Variants in SOBP observed in about 807,000 individuals in gnomAD.
The protein encoded by SOBP is sine oculis-binding protein homolog.
In SOBP, 4 loss-of-function variants were observed where a neutral mutation model predicts 53.6. That is an observed-to-expected ratio of 0.07 (90% confidence interval 0.04 to 0.17). SOBP has a LOEUF of 0.17. Among genes scored for constraint, SOBP ranks in the 10% least tolerant of loss-of-function variants. The pLI, the probability that SOBP is intolerant of heterozygous loss-of-function variation, is 1.00. For missense variants in SOBP, 1,088 were observed against 1,204.7 expected (o/e 0.90, Z 1.43); for synonymous variants, 584 against 522.6 (o/e 1.12, Z -1.60).
chr6:107,495,354 T>C (rs1263426828), intron 1 of SOBP, among the ~76,000 whole-genome samples: 2 of 152,224 alleles, frequency 1.3e-5, no homozygotes, highest in African/African-American at 4.8e-5. Flanking sequence ...TTATGTATTA[T>C]GGTCTGTTCA....
intron 5 of SOBP, among the ~76,000 whole-genome samples, chr6:107,632,568 C>T (rs1222166447): frequency 6.6e-6 from 1 of 152,166 alleles, no homozygotes; most frequent in East Asian, 1.9e-4. Context: ...GATGGTGTTG[C>T]AAAATTAATG....
chr6:107,544,843 C>A (rs1784251914), intron 4 of SOBP, among the ~76,000 whole-genome samples: 1 of 152,094 alleles, frequency 6.6e-6, no homozygotes, highest in Admixed American at 6.5e-5. Context: ...TCTACCAATC[C>A]TTGGGGATTA....
At chr6:107,521,043 A>G (rs1783471144) in intron 3 of SOBP, among the ~76,000 whole-genome samples, 1 of 148,726 alleles carries the variant, frequency 6.7e-6, no homozygotes, top group African/African-American at 2.5e-5. Flanking sequence ...TCTACCCACT[A>G]GATGCCATTA....
chr6:107,613,871 T>A (rs1786687213), intron 5 of SOBP, among the ~76,000 whole-genome samples: 1 of 152,216 alleles, frequency 6.6e-6, no homozygotes, highest in Non-Finnish European at 1.5e-5. Context: ...TATATCATAT[T>A]TTAACCTGAA....
In SOBP at chr6:107,635,087, C is replaced by T. The variant is rs758780716; in HGVS notation, c.2243C>T (p.Pro748Leu). 2.3e-5 allele frequency: 37 copies of T among 1,588,876 alleles called. No homozygotes were observed. Among genetic ancestry groups the T allele is most frequent in the Non-Finnish European group, 3.2e-5 (37 of 1,168,360 alleles). ...CCGCCTCCCGAGCAGCCGCCGCCGC[C>T]GCCGCCGCCCGCGCCCCCCAAGAAG... ...AEPPPEQPPPPPPPAPPKKLL... is the reference protein window; with the variant it reads ...AEPPPEQPPPLPPPAPPKKLL... The change falls in exon 6 of 7, where the codon CCG (proline) becomes CTG (leucine). Residue 748 changes from proline to leucine, a missense_variant. Pro to Leu is a moderately conservative substitution (Grantham distance 98). Around this residue, in one of 6 missense-constraint regions of SOBP, gnomAD observed 665 missense variants for 629.7 expected, o/e 1.06. Transcript: ENST00000317357. The surrounding 1 kb of genome is among the most constrained non-coding windows in gnomAD (Gnocchi z 4.5).
Position 107,633,795 on chromosome 6 carries a change from A to G in SOBP, c.951A>G (p.Thr317=). 3.1e-6 allele frequency: 5 copies of G among 1,614,204 alleles called. No homozygotes were observed. In the East Asian group the frequency reaches 8.9e-5, roughly 29 times the overall value. ...GGAAGGCCCCCTCCCCGGTGGCTAC[A>G]GCTGGCCAAAGCCAGGGCCCTGGCC... ...ARRKAPSPVA[T]AGQSQGPGPS... The change falls in exon 6 of 7, where the codon ACA becomes ACG. Residue 317 remains threonine (T), a synonymous_variant. Coordinates refer to ENST00000317357, the MANE Select transcript of SOBP (RefSeq NM_018013.4).
chr6:107,520,247 A>G (rs1783442554), intron 3 of SOBP, among the ~76,000 whole-genome samples: 1 of 152,232 alleles, frequency 6.6e-6, no homozygotes, highest in South Asian at 2.1e-4. Context: ...GAAAGTAAAA[A>G]GAATATCCTT....
At chr6:107,554,918 G>A (rs1784565861) in intron 4 of SOBP, among the ~76,000 whole-genome samples, 1 of 152,212 alleles carries the variant, frequency 6.6e-6, no homozygotes, top group Admixed American at 6.5e-5. Context: ...GTCTGCAGAT[G>A]GAAGGCCTTG....
At chr6:107,624,957 G>C (rs117515944) in intron 5 of SOBP, among the ~76,000 whole-genome samples, 1 of 152,336 alleles carries the variant, frequency 6.6e-6, no homozygotes, top group East Asian at 1.9e-4. Context: ...CCTTGAGATA[G>C]TGGGGCAGTA....
chr6:107,635,197 G>C lies in SOBP; in HGVS notation c.2353G>C (p.Glu785Gln), dbSNP rs1163343302. 2 of 1,613,794 alleles carry C rather than the reference G, an allele frequency of 1.2e-6. No individual in the cohort carries two copies. Among genetic ancestry groups the C allele is most frequent in the Non-Finnish European group, 1.7e-6 (2 of 1,179,966 alleles). Residue 785 changes from glutamate (E) to glutamine (Q), a missense_variant, in exon 6 of 7, where the codon GAG (glutamate) becomes CAG (glutamine). Glu to Gln is a conservative substitution (Grantham distance 29, BLOSUM62 2). This residue lies in a region of SOBP where 665 missense variants were observed against 629.7 expected (regional missense o/e 1.06). Transcript: ENST00000317357. The surrounding 1 kb of genome is among the most constrained non-coding windows in gnomAD (Gnocchi z 4.5). ...NCASNCHLDG[E>Q]AAKKLMGEEA... ...TGCTTCCAACTGCCACCTGGACGGGGAGGCGGCCAAAAAGCTGATGGGCGA... is the reference window on the plus strand; with the variant it reads ...TGCTTCCAACTGCCACCTGGACGGGCAGGCGGCCAAAAAGCTGATGGGCGA...
chr6:107,559,405 A>G (rs1162801066), intron 4 of SOBP, among the ~76,000 whole-genome samples: 2 of 152,226 alleles, frequency 1.3e-5, no homozygotes, highest in Non-Finnish European at 2.9e-5. Context: ...TTCAATATAC[A>G]CATCCTTTAG....
intron 5 of SOBP, among the ~76,000 whole-genome samples, chr6:107,616,405 GA>G (rs1261841831): frequency 1.3e-5 from 2 of 152,210 alleles, no homozygotes; most frequent in African/African-American, 4.8e-5. Flanking sequence ...TGATAGCACT[GA>G]AAAGTAAAAC....
At chr6:107,594,376 G>C (rs1396201735) in intron 5 of SOBP, among the ~76,000 whole-genome samples, 2 of 151,872 alleles carry the variant, frequency 1.3e-5, no homozygotes. Flanking sequence ...ACTAGCAATG[G>C]AGTACCTGAA....
intron 5 of SOBP, among the ~76,000 whole-genome samples, chr6:107,592,372 A>G (rs537456151): frequency 6.6e-6 from 1 of 152,318 alleles, no homozygotes; most frequent in South Asian, 2.1e-4. Context: ...AGCCATTGCT[A>G]GAACTTTTCT....
chr6:107,635,424 G>A lies in SOBP; in HGVS notation c.2580G>A (p.Pro860=), dbSNP rs775721812. The A allele has an allele frequency of 5.6e-6, 9 of 1,613,548 alleles. No homozygotes were observed. The Middle Eastern group carries it at 9.9e-4, about 178-fold the overall frequency. The change falls in exon 6 of 7, where the codon CCG becomes CCA. Residue 860 remains proline (P), a synonymous_variant. Coordinates refer to ENST00000317357, the MANE Select transcript of SOBP (RefSeq NM_018013.4). This position sits in a 1 kb window ranked among gnomAD's most constrained non-coding sequence, Gnocchi z 4.5. ...LSAGPEDLEP[P]LKRRCLRIRN... The stretch of plus-strand genomic sequence containing the variant: ...CCGGGCCTGAGGACCTGGAGCCGCC[G>A]CTCAAAAGGAGGTGCCTCCGAATTA...
chr6:107,570,275 CATG>C (rs1461862440), intron 4 of SOBP, among the ~76,000 whole-genome samples: 2 of 152,126 alleles, frequency 1.3e-5, no homozygotes, highest in Non-Finnish European at 2.9e-5. Context: ...AGATTTATTT[CATG>C]ATAAGTTTTT....
At chr6:107,564,084 T>C (rs1784848270) in intron 4 of SOBP, among the ~76,000 whole-genome samples, 1 of 152,198 alleles carries the variant, frequency 6.6e-6, no homozygotes, top group South Asian at 2.1e-4. Context: ...AACATTTGGA[T>C]GCAAAATAGG....
intron 6 of SOBP, among the ~76,000 whole-genome samples, chr6:107,653,121 A>G (rs1335775191): frequency 6.6e-6 from 1 of 152,206 alleles, no homozygotes; most frequent in Admixed American, 6.5e-5. Flanking sequence ...CTCTTCAAAA[A>G]TGAGAACAAT....
At chr6:107,529,976 ATTATG>A (rs1243535267) in intron 3 of SOBP, among the ~76,000 whole-genome samples, 17 of 152,230 alleles carry the variant, frequency 1.1e-4, no homozygotes, top group African/African-American at 4.1e-4. Flanking sequence ...TCATATGAAA[ATTATG>A]TTATACAAAC....
Sources: gnomAD v4.1 joint callset for allele counts (sites outside exome capture counted in the v4.1 genomes callset) on GRCh38, gnomAD v4.1.1 for gene constraint, gnomAD v4.1.1 regional missense constraint, Gnocchi (gnomAD v3.1) non-coding constraint, MANE v1.5 for transcripts, NCBI Gene and HGNC (gene_info 2026-07-23, HGNC 2026-07-21) for gene names.